The following LHFPL5 variants were observed in gnomAD, a reference collection of about 807,000 sequenced individuals.
LHFPL5 encodes the protein LHFPL tetraspan subfamily member 5.
In LHFPL5, 12 loss-of-function variants were observed where a neutral mutation model predicts 18.7. The ratio of observed to expected loss-of-function variants is 0.64; its 90% CI spans 0.41 to 1.04. The LOEUF (loss-of-function observed/expected upper bound fraction) is 1.04, where lower values mean the gene tolerates loss of function less well. LHFPL5 is among the 50% of genes least tolerant of loss of function. The pLI is 0.00. For missense variants in LHFPL5, 259 were observed against 292.1 expected, an observed-to-expected ratio of 0.89 and a Z score of 0.83; for synonymous variants, 111 against 120.2, an observed-to-expected ratio of 0.92 and a Z score of 0.50.
intron 1 of LHFPL5, among the ~76,000 whole-genome samples, chr6:35,808,579 AT>A (rs1768613033): frequency 8.8e-6 from 1 of 113,596 alleles, no homozygotes; most frequent in Non-Finnish European, 1.8e-5. Flanking sequence ...ATATATATAT[AT>A]ATATATATAT....
At chr6:35,815,563 C>T (rs1479931952) in intron 2 of LHFPL5, among the ~76,000 whole-genome samples, 1 of 152,174 alleles carries the variant, frequency 6.6e-6, no homozygotes, top group Non-Finnish European at 1.5e-5. Context: ...AGCAGGTGGC[C>T]ATCACTGGGG....
intron 1 of LHFPL5, among the ~76,000 whole-genome samples, chr6:35,809,366 G>A (rs1036688614): frequency 6.6e-6 from 1 of 152,076 alleles, no homozygotes; most frequent in African/African-American, 2.4e-5. Context: ...CTGGGTGCCG[G>A]CATGGCATTA....
intron 2 of LHFPL5, among the ~76,000 whole-genome samples, chr6:35,818,081 A>C (rs1768793637): frequency 6.6e-6 from 1 of 152,214 alleles, no homozygotes. Context: ...CCTTGAAAAC[A>C]TGTTAAATGA....
rs1301389235 is a variant in LHFPL5, at chr6:35,823,105, C to T, written c.*140C>T. 1.3e-5 allele frequency: 2 copies of T among 152,074 alleles called. No homozygotes were observed. The highest frequency in any genetic ancestry group is 1.5e-5 in the Non-Finnish European group (1 of 68,020). 9.4% of individuals were successfully genotyped at this position (152,074 alleles called of 1,614,324 possible). A position where few individuals can be genotyped will look rare whatever the true frequency, so the allele number is the denominator to read the frequency against. ...TGAAGCCTGAAGCCTTTTATTATAA[C>T]ACTAAAACTGGACAGTCTCCTGAGA... On this transcript the variant is annotated 3_prime_UTR_variant, in exon 4 of 4. Transcript: ENST00000360215.
intron 1 of LHFPL5, among the ~76,000 whole-genome samples, chr6:35,809,043 A>G (rs1300430083): frequency 6.6e-6 from 1 of 152,034 alleles, no homozygotes; most frequent in Non-Finnish European, 1.5e-5. Flanking sequence ...ATTCATTAGT[A>G]CCCTTGCCAA....
At chr6:35,812,265 G>A (rs766340141) in intron 1 of LHFPL5, among the ~76,000 whole-genome samples, 8 of 152,182 alleles carry the variant, frequency 5.3e-5, no homozygotes, top group Non-Finnish European at 1.2e-4. Context: ...GACCTTCTTT[G>A]TAGAACAAGC....
At chr6:35,819,207 A>G (rs139808836) in intron 2 of LHFPL5, among the ~76,000 whole-genome samples, 3 of 152,302 alleles carry the variant, frequency 2.0e-5, no homozygotes, top group Non-Finnish European at 4.4e-5. Context: ...CAATGCCTTT[A>G]GGCACTGGAA....
chr6:35,810,513 G>A (rs1768646721), intron 1 of LHFPL5, among the ~76,000 whole-genome samples: 2 of 151,968 alleles, frequency 1.3e-5, no homozygotes, highest in African/African-American at 4.8e-5. Flanking sequence ...TCAGGAGATC[G>A]AGACCATCCT....
Position 35,814,222 on chromosome 6 carries a change from G to A in LHFPL5, c.413-324G>A, listed in dbSNP as rs1160055504. ...GGGCTTTGAAGCCAGGGTAGGTGGTGCCTGGTTGAGTCCAAGGTGAGGAGA... is the reference window on the plus strand; with the variant it reads ...GGGCTTTGAAGCCAGGGTAGGTGGTACCTGGTTGAGTCCAAGGTGAGGAGA... On this transcript the variant is annotated intron_variant, in intron 1 of 3. Transcript: ENST00000360215. The surrounding 1 kb of genome is among the most constrained non-coding windows in gnomAD (Gnocchi z 4.2). 1.3e-5 allele frequency among the ~76,000 whole-genome samples: 2 copies of A among 152,212 alleles called. No individual in the cohort carries two copies. The highest frequency in any genetic ancestry group is 2.9e-5 in the Non-Finnish European group (2 of 68,046).
rs1554147851 is a variant in LHFPL5, at chr6:35,823,448, T to TATAC, written c.*484_*485insTACA. 5.2e-5 allele frequency: 4 copies of TATAC among 76,882 alleles called. No individual in the cohort carries two copies. Among genetic ancestry groups the TATAC allele is most frequent in the East Asian group, 2.9e-4 (1 of 3,406 alleles). 4.8% of individuals were successfully genotyped at this position (76,882 alleles called of 1,614,324 possible). A position where few individuals can be genotyped will look rare whatever the true frequency, so the allele number is the denominator to read the frequency against. The stretch of plus-strand genomic sequence containing the variant: ...ACATACATACACACACACATATATA[T>TATAC]ACACACACACACACACACACACACA... On this transcript the variant is annotated 3_prime_UTR_variant, in exon 4 of 4. Coordinates refer to ENST00000360215, the MANE Select transcript of LHFPL5 (RefSeq NM_182548.4).
Position 35,805,566 on chromosome 6 carries a change from T to C in LHFPL5, c.-105T>C. On this transcript the variant is annotated 5_prime_UTR_variant, in exon 1 of 4. Coordinates refer to ENST00000360215, the MANE Select transcript of LHFPL5 (RefSeq NM_182548.4). The surrounding 1 kb of genome is among the most constrained non-coding windows in gnomAD (Gnocchi z 4.3). ...CTCACCTGGTGCCCTGACCTCAGCC[T>C]CCTCCCCAAACCCCGCTGGGGAGTG... is the stretch of plus-strand genomic sequence containing the variant. 8.0e-7 allele frequency: 1 copy of C among 1,244,028 alleles called. No homozygotes were observed. Among genetic ancestry groups the C allele is most frequent in the South Asian group, 1.2e-5 (1 of 80,912 alleles). The allele number at this position is 1,244,028 out of a possible 1,614,324, so 77.1% of individuals were successfully genotyped here. A position where few individuals can be genotyped will look rare whatever the true frequency, so the allele number is the denominator to read the frequency against.
In LHFPL5 at chr6:35,805,929, T is replaced by G; in HGVS notation, c.259T>G (p.Ser87Ala). Residue 87 changes from serine to alanine, a missense_variant, in exon 1 of 4, where the codon TCC (serine) becomes GCC (alanine). Physicochemically the swap from Ser to Ala is moderately conservative, Grantham distance 99. Coordinates refer to ENST00000360215, the MANE Select transcript of LHFPL5 (RefSeq NM_182548.4). This position sits in a 1 kb window ranked among gnomAD's most constrained non-coding sequence, Gnocchi z 4.3. ...CTGCAAGGGCGGCCCCCTAGACTTC[T>G]CCTCCATCCCCTCTAGAGCCTTCAA... ...LICKGGPLDF[S>A]SIPSRAFKTA... 1 of 1,614,194 alleles carries G rather than the reference T, an allele frequency of 6.2e-7. No individual in the cohort carries two copies. Among genetic ancestry groups the G allele is most frequent in the Non-Finnish European group, 8.5e-7 (1 of 1,180,018 alleles).
At chr6:35,806,431 G>A (rs930438858) in intron 1 of LHFPL5, among the ~76,000 whole-genome samples, 8 of 144,264 alleles carry the variant, frequency 5.5e-5, no homozygotes, top group African/African-American at 2.0e-4. Flanking sequence ...TTTTGCAGCT[G>A]TGAGAGAGAG....
chr6:35,814,627 C>T lies in LHFPL5; in HGVS notation c.494C>T (p.Thr165Met), dbSNP rs104893976. Residue 165 changes from threonine (T) to methionine (M), a missense_variant, in exon 2 of 4, where the codon ACG becomes ATG. By Grantham distance (81) the Thr-to-Met change is moderately conservative. Transcript: ENST00000360215. This position sits in a 1 kb window ranked among gnomAD's most constrained non-coding sequence, Gnocchi z 4.2. ...SEVRRMCGEQ[T>M]GKYTLGHCTI... Reference sequence around the variant, plus strand: ...GTGCGGCGCATGTGTGGGGAGCAGACGGGCAAGTACACGCTGGGCCACTGC... The same window carrying T: ...GTGCGGCGCATGTGTGGGGAGCAGATGGGCAAGTACACGCTGGGCCACTGC... 187 of 1,614,022 alleles carry T rather than the reference C, an allele frequency of 1.2e-4. No homozygotes were observed. Among genetic ancestry groups the T allele is most frequent in the Non-Finnish European group, 1.5e-4 (172 of 1,180,038 alleles).
At position 35,823,881 on chromosome 6, in the gene LHFPL5, G is replaced by C. The variant is rs1454350032; in HGVS notation, c.*916G>C. The stretch of plus-strand genomic sequence containing the variant: ...ACATTTTTTTTTTTCAAAAACTTTG[G>C]ATTTGGCATATAGTCATCTATAGGG... On this transcript the variant is annotated 3_prime_UTR_variant, in exon 4 of 4. Transcript: ENST00000360215. The C allele has an allele frequency of 1.3e-5, 2 of 151,694 alleles. No individual in the cohort carries two copies. The highest frequency in any genetic ancestry group is 2.9e-5 in the Non-Finnish European group (2 of 67,942). The allele number at this position is 151,694 out of a possible 1,614,324, so 9.4% of individuals were successfully genotyped here.
At chr6:35,815,584 C>T (rs1581972855) in intron 2 of LHFPL5, among the ~76,000 whole-genome samples, 1 of 152,168 alleles carries the variant, frequency 6.6e-6, no homozygotes. Context: ...ACCTGTTACA[C>T]CTCAGAAACC....
Position 35,805,748 on chromosome 6 carries a change from C to G in LHFPL5, c.78C>G (p.Gly26=). 6.2e-7 allele frequency: 1 copy of G among 1,614,216 alleles called. No homozygotes were observed. Among genetic ancestry groups the G allele is most frequent in the Non-Finnish European group, 8.5e-7 (1 of 1,180,026 alleles). Residue 26 remains glycine (G), a synonymous_variant, in exon 1 of 4, where the codon GGC becomes GGG. Transcript: ENST00000360215. This position sits in a 1 kb window ranked among gnomAD's most constrained non-coding sequence, Gnocchi z 4.3. The part of the protein sequence containing the change: ...TNYVRNSRAV[G]VMWGTLTICF... ...ATGTGCGGAACTCGCGAGCCGTGGG[C>G]GTGATGTGGGGTACCCTCACCATCT...
intron 2 of LHFPL5, among the ~76,000 whole-genome samples, chr6:35,819,002 T>C (rs958115979): frequency 6.6e-6 from 1 of 152,094 alleles, no homozygotes; most frequent in Non-Finnish European, 1.5e-5. Context: ...TGGCTAATTT[T>C]TTGTATTTTT....
chr6:35,805,827 A>G lies in LHFPL5; in HGVS notation c.157A>G (p.Ser53Gly). The change falls in exon 1 of 4, where the codon AGC (serine) becomes GGC (glycine). Residue 53 changes from serine to glycine, a missense_variant. Physicochemically the swap from Ser to Gly is moderately conservative, Grantham distance 56. Coordinates refer to ENST00000360215, the MANE Select transcript of LHFPL5 (RefSeq NM_182548.4). The surrounding 1 kb of genome is among the most constrained non-coding windows in gnomAD (Gnocchi z 4.3). The stretch of plus-strand genomic sequence containing the variant: ...CATCCAGCCCTACTGGATCGGCGAC[A>G]GCGTCAACACACCGCAGGCAGGCTA... ...LFIQPYWIGD[S>G]VNTPQAGYFG... 6.2e-7 allele frequency: 1 copy of G among 1,614,198 alleles called. No homozygotes were observed. Among genetic ancestry groups the G allele is most frequent in the African/African-American group, 1.3e-5 (1 of 75,050 alleles).
Sources: allele counts gnomAD v4.1 joint callset (sites outside exome capture counted in the v4.1 genomes callset), GRCh38; gene constraint gnomAD v4.1.1; non-coding constraint Gnocchi (gnomAD v3.1); transcripts MANE v1.5; gene names NCBI Gene and HGNC (gene_info 2026-07-23, HGNC 2026-07-21).